ARF4: variants seen among roughly 807,000 people sequenced by gnomAD.
The protein encoded by ARF4 is ADP-ribosylation factor 4.
In ARF4, 5 loss-of-function variants were observed where a neutral mutation model predicts 24.3. The observed-to-expected ratio is 0.21, with a 90% CI of 0.11 to 0.43. The LOEUF (loss-of-function observed/expected upper bound fraction) is 0.43. Among genes scored for constraint, ARF4 ranks in the 20% least tolerant of loss-of-function variants. ARF4 has a pLI of 1.00. For missense variants in ARF4, 107 were observed against 213.0 expected (o/e 0.50, Z 3.10); for synonymous variants, 62 against 73.5 (o/e 0.84, Z 0.80).
Position 57,585,809 on chromosome 3 carries a change from C to T in ARF4, c.68-1345G>A, listed in dbSNP as rs1202208178. Among the ~76,000 whole-genome samples, 3 of 151,882 alleles carry T rather than the reference C, an allele frequency of 2.0e-5. No individual in the cohort carries two copies. In the East Asian group the frequency reaches 5.8e-4, roughly 29 times the overall value. On this transcript the variant is annotated intron_variant, in intron 1 of 5. Coordinates refer to ENST00000303436, the MANE Select transcript of ARF4 (RefSeq NM_001660.4). Reference sequence around the variant, plus strand: ...TCCGGAGTAACTGGGATTACAGGTGCGTGCCACCACACCCCAGCTAATTTG... The same window carrying T: ...TCCGGAGTAACTGGGATTACAGGTGTGTGCCACCACACCCCAGCTAATTTG...
chr3:57,579,231 G>A (rs1324963633), intron 3 of ARF4, among the ~76,000 whole-genome samples: 4 of 82,742 alleles, frequency 4.8e-5, no homozygotes, highest in African/African-American at 1.8e-4. Flanking sequence ...TCCAGCCTGG[G>A]CGACAAGAGC....
intron 1 of ARF4, among the ~76,000 whole-genome samples, chr3:57,586,219 C>T (rs1331741591): frequency 6.6e-6 from 1 of 152,094 alleles, no homozygotes; most frequent in African/African-American, 2.4e-5. Flanking sequence ...CATATCTGGC[C>T]GCCTGGGTTT....
chr3:57,573,690 C>T (rs7633913), intron 5 of ARF4, among the ~76,000 whole-genome samples: 22,051 of 151,936 alleles, frequency 0.15, 2,140 homozygotes, highest in Middle Eastern at 0.21. Context: ...AAGAGATTCT[C>T]GTGCCTTCAG....
rs747961563 is a variant in ARF4 at position 57,572,257 on chromosome 3, C to G, written c.498G>C (p.Leu166=). The G allele has an allele frequency of 1.2e-6, 2 of 1,614,100 alleles. No individual in the cohort carries two copies. Among genetic ancestry groups the G allele is most frequent in the South Asian group, 1.1e-5 (1 of 91,076 alleles). The part of the protein sequence containing the change: ...QATCATQGTG[L]YEGLDWLSNE... ...TTGACAGCCAGTCAAGTCCTTCATACAGACCAGTTCCTTGTGTTGCACAAG... is the reference window on the plus strand; with the variant it reads ...TTGACAGCCAGTCAAGTCCTTCATAGAGACCAGTTCCTTGTGTTGCACAAG... The change falls in exon 6 of 6, where the codon CTG becomes CTC. Residue 166 remains leucine (L), a synonymous_variant. Coordinates refer to ENST00000303436, the MANE Select transcript of ARF4 (RefSeq NM_001660.4).
At chr3:57,588,401 A>T (rs1169492536) in intron 1 of ARF4, among the ~76,000 whole-genome samples, 1 of 152,022 alleles carries the variant, frequency 6.6e-6, no homozygotes, top group Admixed American at 6.6e-5. Context: ...CCATCTTTAA[A>T]GAAGAAAAAG....
chr3:57,576,553 C>A, intron 4 of ARF4, among the ~76,000 whole-genome samples: 1 of 128,660 alleles, frequency 7.8e-6, no homozygotes, highest in South Asian at 2.5e-4. Context: ...TGACATTTGA[C>A]TCAGGCAAAA....
chr3:57,577,158 T>C (rs961284851), intron 4 of ARF4, among the ~76,000 whole-genome samples, 158 bp downstream of exon 4: 1 of 152,146 alleles, frequency 6.6e-6, no homozygotes, highest in Non-Finnish European at 1.5e-5. Context: ...TTGAAGTACA[T>C]TATTAAGAAC....
intron 3 of ARF4, among the ~76,000 whole-genome samples, chr3:57,579,253 CAAA>C (rs764058520): frequency 2.3e-4 from 11 of 47,612 alleles, no homozygotes; most frequent in African/African-American, 9.6e-4. Flanking sequence ...AACTACATCT[CAAA>C]AAAAAAAAAA....
intron 1 of ARF4, among the ~76,000 whole-genome samples, chr3:57,594,770 T>A (rs1014749890): frequency 3.4e-4 from 51 of 152,232 alleles, no homozygotes; most frequent in African/African-American, 1.2e-3. Context: ...AAAACATTAA[T>A]AATTCCAACA....
At chr3:57,594,903 A>T (rs191978601) in intron 1 of ARF4, among the ~76,000 whole-genome samples, 1 of 152,352 alleles carries the variant, frequency 6.6e-6, no homozygotes, top group Admixed American at 6.5e-5. Context: ...GTTCATGCAC[A>T]TATCTCCCTC....
At chr3:57,581,421 A>C (rs1274378274) in intron 3 of ARF4, among the ~76,000 whole-genome samples, 2 of 152,218 alleles carry the variant, frequency 1.3e-5, no homozygotes, top group Admixed American at 6.5e-5. Context: ...CATTCTAAAC[A>C]AATCTAGGGA....
rs555071543 is a variant in ARF4, at chr3:57,572,062, G to A, written c.*150C>T. 3.1e-4 allele frequency: 187 copies of A among 603,794 alleles called. 3 individuals are homozygous for A. The East Asian group carries it at 4.9e-3, about 16-fold the overall frequency. 37.4% of individuals were successfully genotyped at this position (603,794 alleles called of 1,614,324 possible). On this transcript the variant is annotated 3_prime_UTR_variant, in exon 6 of 6. Transcript: ENST00000303436. ...ATTGCTAAATAGCAACATTATACTC[G>A]GTAAACAATAATTGGCAACAAAATA... is the stretch of plus-strand genomic sequence containing the variant.
intron 1 of ARF4, among the ~76,000 whole-genome samples, chr3:57,585,795 T>G (rs1249828226): frequency 1.3e-5 from 2 of 151,504 alleles, no homozygotes; most frequent in Non-Finnish European, 2.9e-5. Flanking sequence ...CCGGAGTAAC[T>G]GGGATTACAG....
At chr3:57,590,025 A>G (rs1314596818) in intron 1 of ARF4, among the ~76,000 whole-genome samples, 1 of 149,630 alleles carries the variant, frequency 6.7e-6, no homozygotes, top group Non-Finnish European at 1.5e-5. Context: ...CGGGAGGTGG[A>G]GGCGCAGTGA....
At chr3:57,577,445 C>CAGT (rs2069919914) in intron 3 of ARF4, 58 bp from the exon 4 acceptor site, 2 of 1,358,786 alleles carry the variant, frequency 1.5e-6, no homozygotes, top group East Asian at 4.6e-5. Flanking sequence ...CTATATGAAA[C>CAGT]AGTGTAGGCA....
intron 3 of ARF4, 111 bp from the exon 4 acceptor site, chr3:57,577,498 C>A (rs1040767455): frequency 2.6e-5 from 21 of 811,100 alleles, no homozygotes; most frequent in Non-Finnish European, 4.1e-5. Flanking sequence ...GAAAATGTCT[C>A]TTTAAAAGTA....
chr3:57,577,123 T>G (rs1432285798), intron 4 of ARF4, among the ~76,000 whole-genome samples, 193 bp downstream of exon 4: 1 of 152,102 alleles, frequency 6.6e-6, no homozygotes, highest in Non-Finnish European at 1.5e-5. Flanking sequence ...TTCCATGTGT[T>G]TTTTAAAACG....
intron 3 of ARF4, among the ~76,000 whole-genome samples, 166 bp from the exon 4 acceptor site, chr3:57,577,553 G>T (rs1262110406): frequency 6.6e-6 from 1 of 152,164 alleles, no homozygotes; most frequent in Non-Finnish European, 1.5e-5. Flanking sequence ...AGAACTATTT[G>T]TAAGTTTAAT....
chr3:57,576,504 C>CTTT lies in ARF4; in HGVS notation c.330+809_330+811dup, dbSNP rs376750506. The stretch of plus-strand genomic sequence containing the variant: ...GTGTGTGAAGTATGTCTCAACCAAG[C>CTTT]TTTTTTTTTTTTTTTTTTTTTTGAA... On this transcript the variant is annotated intron_variant, in intron 4 of 5. Coordinates refer to ENST00000303436, the MANE Select transcript of ARF4 (RefSeq NM_001660.4). Among the ~76,000 whole-genome samples the CTTT allele has an allele frequency of 1.1e-3, 111 of 101,562 alleles. 1 individual carries two copies. Among genetic ancestry groups the CTTT allele is most frequent in the South Asian group, 2.0e-3 (6 of 2,982 alleles). 66.6% of individuals were successfully genotyped at this position (101,562 alleles called of 152,430 possible).
Sources: allele counts gnomAD v4.1 joint callset (sites outside exome capture counted in the v4.1 genomes callset), GRCh38; gene constraint gnomAD v4.1.1; transcripts MANE v1.5; gene names NCBI Gene and HGNC (gene_info 2026-07-23, HGNC 2026-07-21).